The following SPTBN4 variants were observed in gnomAD, a reference collection of about 807,000 sequenced individuals.
The protein encoded by SPTBN4 is spectrin beta, non-erythrocytic 4, also known as spectrin beta chain, non-erythrocytic 4.
SPTBN4 carries 96 observed loss-of-function variants against 277.8 expected under a neutral mutation model. The observed-to-expected ratio is 0.35, with a 90% CI of 0.29 to 0.41. The LOEUF (loss-of-function observed/expected upper bound fraction) is 0.41, where lower values mean the gene tolerates loss of function less well. Among genes scored for constraint, SPTBN4 ranks in the 10% least tolerant of loss-of-function variants. The probability of loss-of-function intolerance (pLI) is 1.00; values close to 1 mark genes in which losing one functional copy is unlikely to be tolerated. For synonymous variants in SPTBN4, 1,481 were observed against 1,580.3 expected (o/e 0.94, Z 1.49); for missense variants, 3,006 against 3,595.7 (o/e 0.84, Z 4.19).
intron 18 of SPTBN4, 117 bp downstream of exon 18, chr19:40,529,248 G>A (rs1340071977): frequency 7.2e-6 from 7 of 965,606 alleles, no homozygotes; most frequent in East Asian, 5.3e-5. Context: ...AGCGATGCTC[G>A]CTCTAAGCCG....
At chr19:40,517,057 C>T (rs1197698527) in intron 15 of SPTBN4, among the ~76,000 whole-genome samples, 1 of 152,194 alleles carries the variant, frequency 6.6e-6, no homozygotes, top group Non-Finnish European at 1.5e-5. Context: ...TCCAAGATTA[C>T]TCAGTCTATA....
chr19:40,506,176 G>C lies in SPTBN4; in HGVS notation c.1666-60G>C. 3 of 1,551,834 alleles carry C rather than the reference G, an allele frequency of 1.9e-6. No individual in the cohort carries two copies. In the South Asian group the frequency reaches 3.7e-5, roughly 19 times the overall value. On this transcript the variant is annotated intron_variant, in intron 12 of 35. Transcript: ENST00000598249. ...AGCAGGGGCTGGCATAGGCAATGGGGGAGAGGTGAGTGGCCCAGGGCAGTG... is the reference window on the plus strand; with the variant it reads ...AGCAGGGGCTGGCATAGGCAATGGGCGAGAGGTGAGTGGCCCAGGGCAGTG...
chr19:40,526,849 A>C (rs900924019), intron 17 of SPTBN4, among the ~76,000 whole-genome samples: 1 of 152,098 alleles, frequency 6.6e-6, no homozygotes, highest in Non-Finnish European at 1.5e-5. Context: ...TGGCCTCCCC[A>C]AAGTGCTCGG....
chr19:40,566,606 AG>A (rs759021907), intron 30 of SPTBN4, among the ~76,000 whole-genome samples: 8 of 151,826 alleles, frequency 5.3e-5, no homozygotes, highest in Non-Finnish European at 1.0e-4. Context: ...GGGGAGTGGG[AG>A]GGGGAACTGG....
At position 40,560,003 on chromosome 19, in the gene SPTBN4, A is replaced by G. The variant is rs1315586688; in HGVS notation, c.5671-156A>G. Among the ~76,000 whole-genome samples the G allele has an allele frequency of 6.6e-6, 1 of 152,250 alleles. No individual in the cohort carries two copies. Among genetic ancestry groups the G allele is most frequent in the Non-Finnish European group, 1.5e-5 (1 of 68,042 alleles). On this transcript the variant is annotated intron_variant, in intron 26 of 35. Coordinates refer to ENST00000598249, the MANE Select transcript of SPTBN4 (RefSeq NM_020971.3). The surrounding 1 kb of genome is among the most constrained non-coding windows in gnomAD (Gnocchi z 5.2). The stretch of plus-strand genomic sequence containing the variant: ...AGAAGTCAGAATGCGGGTAAGTCAA[A>G]GAGAAATCAGGCAGCAGATATGACA...
Position 40,506,268 on chromosome 19 carries a change from C to G in SPTBN4, c.1698C>G (p.His566Gln), listed in dbSNP as rs1490298149. 6.2e-7 allele frequency: 1 copy of G among 1,613,818 alleles called. No homozygotes were observed. The highest frequency in any genetic ancestry group is 8.5e-7 in the Non-Finnish European group (1 of 1,179,854). ...AQLLSRECGQHLVEADDLLQK... is the reference protein window; with the variant it reads ...AQLLSRECGQQLVEADDLLQK... ...TGCTGTCCCGGGAGTGTGGGCAGCACCTGGTGGAGGCAGACGACCTGTTGC... is the reference window on the plus strand; with the variant it reads ...TGCTGTCCCGGGAGTGTGGGCAGCAGCTGGTGGAGGCAGACGACCTGTTGC... Residue 566 changes from histidine (H) to glutamine (Q), a missense_variant, in exon 13 of 36, where the codon CAC (histidine) becomes CAG (glutamine). This residue lies in a region of SPTBN4 where 1,759 missense variants were observed against 2,061.5 expected (regional missense o/e 0.85). Transcript: ENST00000598249.
chr19:40,560,382 T>C lies in SPTBN4; in HGVS notation c.5894T>C (p.Ile1965Thr), dbSNP rs770705271. Residue 1965 changes from isoleucine to threonine, a missense_variant, in exon 27 of 36, where the codon ATT (isoleucine) becomes ACT (threonine). By Grantham distance (89) the Ile-to-Thr change is moderately conservative (BLOSUM62 -1). This residue lies in a region of SPTBN4 where 425 missense variants were observed against 594.7 expected (regional missense o/e 0.71). Transcript: ENST00000598249. This position sits in a 1 kb window ranked among gnomAD's most constrained non-coding sequence, Gnocchi z 5.2. ...TGGATGGATGGCATCGCCAGCCAGA[T>C]TGGGGCAGCCGACAAGCCCAGGTGC... ...LSWMDGIASQ[I>T]GAADKPRDVS... 5.0e-6 allele frequency: 8 copies of C among 1,613,966 alleles called. No homozygotes were observed. The highest frequency in any genetic ancestry group is 4.4e-5 in the South Asian group (4 of 91,086).
intron 33 of SPTBN4, 192 bp downstream of exon 33, chr19:40,570,920 T>G (rs1162633287): frequency 7.6e-6 from 4 of 528,074 alleles, no homozygotes; most frequent in Non-Finnish European, 1.2e-5. Flanking sequence ...GGAGGGGGTG[T>G]GGTTTAACGT....
At chr19:40,498,268 C>G (rs1009949115) in intron 7 of SPTBN4, among the ~76,000 whole-genome samples, 8 of 152,188 alleles carry the variant, frequency 5.3e-5, no homozygotes, top group African/African-American at 1.7e-4. Flanking sequence ...TTCCTCTGAG[C>G]TCTACTGTGT....
At chr19:40,498,373 TTTTATTTA>T (rs372763000) in intron 7 of SPTBN4, among the ~76,000 whole-genome samples, 24,357 of 141,006 alleles carry the variant, frequency 0.17, 2,455 homozygotes, top group African/African-American at 0.28. Context: ...TTTTATTTTA[TTTTATTTA>T]TTTATTTATT....
At chr19:40,525,029 G>C (rs1228427153) in intron 17 of SPTBN4, among the ~76,000 whole-genome samples, 1 of 151,934 alleles carries the variant, frequency 6.6e-6, no homozygotes, top group Non-Finnish European at 1.5e-5. Context: ...CTCCTCTCAG[G>C]CTCTCTGGCT....
chr19:40,531,895 G>A (rs564830580), intron 18 of SPTBN4, among the ~76,000 whole-genome samples: 1 of 152,104 alleles, frequency 6.6e-6, no homozygotes, highest in South Asian at 2.1e-4. Context: ...ATTTGGCTGG[G>A]GTTGGCTTTG....
chr19:40,569,635 C>T, intron 31 of SPTBN4, 22 bp from the exon 32 acceptor site: 1 of 1,611,582 alleles, frequency 6.2e-7, no homozygotes. Context: ...TTCACTGGGT[C>T]TTTCTGTCCC....
At chr19:40,487,348 CT>C (rs574600197) in intron 2 of SPTBN4, among the ~76,000 whole-genome samples, 277 of 128,242 alleles carry the variant, frequency 2.2e-3, no homozygotes, top group Admixed American at 1.8e-3. Context: ...CCGACTCACT[CT>C]TTTTTTTTTT....
At position 40,503,837 on chromosome 19, in the gene SPTBN4, T is replaced by C; in HGVS notation, c.1370T>C (p.Phe457Ser). 1 of 1,581,656 alleles carries C rather than the reference T, an allele frequency of 6.3e-7. No individual in the cohort carries two copies. The highest frequency in any genetic ancestry group is 1.2e-5 in the South Asian group (1 of 86,272). ...ENQRLVSQDN[F>S]GYELPAVEAA... ...TCTGGCTCACTGCCCCAGGACAACTTTGGGTATGAGCTGCCCGCAGTGGAG... is the reference window on the plus strand; with the variant it reads ...TCTGGCTCACTGCCCCAGGACAACTCTGGGTATGAGCTGCCCGCAGTGGAG... Residue 457 changes from phenylalanine to serine, a missense_variant, in exon 12 of 36, where the codon TTT (phenylalanine) becomes TCT (serine). Around this residue, in one of 5 missense-constraint regions of SPTBN4, gnomAD observed 1,759 missense variants for 2,061.5 expected, o/e 0.85. Transcript: ENST00000598249.
intron 20 of SPTBN4, among the ~76,000 whole-genome samples, chr19:40,547,922 T>A (rs1039588351): frequency 2.6e-5 from 4 of 152,234 alleles, no homozygotes; most frequent in African/African-American, 9.6e-5. Context: ...TTTGCCCAGG[T>A]TTTCTTTTAG....
intron 4 of SPTBN4, among the ~76,000 whole-genome samples, chr19:40,492,648 G>A (rs576837131): frequency 5.3e-5 from 8 of 152,262 alleles, no homozygotes; most frequent in Non-Finnish European, 1.2e-4. Context: ...ATGCAGGAGT[G>A]GGGAGATCAG....
In SPTBN4 at chr19:40,490,062, C is replaced by G; in HGVS notation, c.322-13C>G. 6.3e-7 allele frequency: 1 copy of G among 1,594,280 alleles called. No individual in the cohort carries two copies. Among genetic ancestry groups the G allele is most frequent in the Non-Finnish European group, 8.6e-7 (1 of 1,168,336 alleles). Reference sequence around the variant, plus strand: ...TCCAGACCCCCGATCGCCCACCGCCCCTGTCGCCCTAGCCCAGGCCCACGC... The same window carrying G: ...TCCAGACCCCCGATCGCCCACCGCCGCTGTCGCCCTAGCCCAGGCCCACGC... On this transcript the variant is annotated splice_polypyrimidine_tract_variant and intron_variant, in intron 3 of 35. Transcript: ENST00000598249. This position sits in a 1 kb window ranked among gnomAD's most constrained non-coding sequence, Gnocchi z 4.3.
At position 40,515,878 on chromosome 19, in the gene SPTBN4, A is replaced by G. The variant is rs895860812; in HGVS notation, c.2903+430A>G. Reference sequence around the variant, plus strand: ...TCTCTCTCTCTACGTGCGCGCACACACACACACACACACACACACACAAAA... The same window carrying G: ...TCTCTCTCTCTACGTGCGCGCACACGCACACACACACACACACACACAAAA... On this transcript the variant is annotated intron_variant, in intron 15 of 35. Coordinates refer to ENST00000598249, the MANE Select transcript of SPTBN4 (RefSeq NM_020971.3). This position sits in a 1 kb window ranked among gnomAD's most constrained non-coding sequence, Gnocchi z 4.1. Among the ~76,000 whole-genome samples the G allele has an allele frequency of 4.8e-5, 7 of 146,332 alleles. No homozygotes were observed. Among genetic ancestry groups the G allele is most frequent in the South Asian group, 2.2e-4 (1 of 4,552 alleles).
Sources: gnomAD v4.1 joint callset for allele counts (sites outside exome capture counted in the v4.1 genomes callset) on GRCh38, gnomAD v4.1.1 for gene constraint, gnomAD v4.1.1 regional missense constraint, Gnocchi (gnomAD v3.1) non-coding constraint, MANE v1.5 for transcripts, NCBI Gene and HGNC (gene_info 2026-07-23, HGNC 2026-07-21) for gene names.